The following FAAP20 variants were observed in gnomAD, a reference collection of about 807,000 sequenced individuals.
FAAP20 encodes FA core complex associated protein 20.
Under a neutral mutation model 16.2 loss-of-function variants are expected in FAAP20, and 12 were observed. The ratio of observed to expected loss-of-function variants is 0.74; its 90% confidence interval spans 0.48 to 1.20. The LOEUF is 1.20. FAAP20 is among the 50% of genes most tolerant of loss of function. FAAP20 has a pLI of 0.00. For missense variants in FAAP20, 288 were observed against 245.8 expected (o/e 1.17, Z -1.15); for synonymous variants, 141 against 110.7 (o/e 1.27, Z -1.72).
downstream of FAAP20, among the ~76,000 whole-genome samples, chr1:2,209,661 A>G (rs1689383131): frequency 1.3e-5 from 2 of 152,194 alleles, no homozygotes; most frequent in African/African-American, 4.8e-5. Context: ...GGGGGAGGGC[A>G]GCAGGCCGAG....
upstream of FAAP20, chr1:2,198,098 C>T (rs1472816261): frequency 7.7e-7 from 1 of 1,291,214 alleles, no homozygotes; most frequent in African/African-American, 1.5e-5. Flanking sequence ...GATGAAAACG[C>T]TCCACTTCTT....
At chr1:2,186,520 T>A (rs555015288), downstream of FAAP20, among the ~76,000 whole-genome samples, 1 of 129,834 alleles carries the variant, frequency 7.7e-6, no homozygotes, top group Admixed American at 8.6e-5. Flanking sequence ...AGCTCAGGCT[T>A]CTAGGTGGAA....
downstream of FAAP20, among the ~76,000 whole-genome samples, chr1:2,211,668 C>A: frequency 6.6e-6 from 1 of 151,028 alleles, no homozygotes; most frequent in South Asian, 2.1e-4. Context: ...CCAGGATGGT[C>A]TCCATCTCCT....
downstream of FAAP20, chr1:2,187,289 T>TC: frequency 2.4e-6 from 1 of 411,380 alleles, no homozygotes; most frequent in South Asian, 1.8e-5. Context: ...CATTTTCTTT[T>TC]TTTTTTTCTT....
upstream of FAAP20, among the ~76,000 whole-genome samples, chr1:2,204,748 A>T (rs970016453): frequency 6.6e-6 from 1 of 152,100 alleles, no homozygotes; most frequent in Non-Finnish European, 1.5e-5. Flanking sequence ...GTCCTGGGTA[A>T]ATCAGCAGTG....
chr1:2,193,970 AT>A, intron 2 of FAAP20, 27 bp downstream of exon 2: 2 of 1,612,092 alleles, frequency 1.2e-6, no homozygotes, highest in Middle Eastern at 3.3e-4. Context: ...AAACCCCTTC[AT>A]CGCTAAGATG....
intron 1 of FAAP20, 78 bp from the exon 2 acceptor site, chr1:2,194,211 G>C: frequency 1.3e-6 from 2 of 1,565,300 alleles, no homozygotes; most frequent in Non-Finnish European, 1.7e-6. Context: ...GAGGGCCTGG[G>C]GCAGAGAGAG....
chr1:2,185,324 T>C (rs1336357563), downstream of FAAP20: 2 of 718,754 alleles, frequency 2.8e-6, no homozygotes, highest in Non-Finnish European at 5.2e-6. Context: ...CAGAACTCGA[T>C]GCACTGACCT....
chr1:2,189,491 G>A (rs1318469423), downstream of FAAP20: 3 of 594,506 alleles, frequency 5.0e-6, no homozygotes, highest in Non-Finnish European at 9.1e-6. Flanking sequence ...GTCTGGTTCT[G>A]ATTGCACTGC....
downstream of FAAP20, chr1:2,185,478 C>T: frequency 2.8e-6 from 2 of 718,374 alleles, no homozygotes; most frequent in South Asian, 1.5e-5. Context: ...AGCTTAGGAG[C>T]CAGCGGGACA....
chr1:2,188,927 C>T (rs1171290974), downstream of FAAP20, among the ~76,000 whole-genome samples: 4 of 151,588 alleles, frequency 2.6e-5, no homozygotes, highest in Admixed American at 6.6e-5. Context: ...ATGGCGTGAA[C>T]CCGGGAGGCG....
chr1:2,201,699 G>C (rs546214620), upstream of FAAP20, among the ~76,000 whole-genome samples: 4 of 151,902 alleles, frequency 2.6e-5, no homozygotes, highest in African/African-American at 9.7e-5. Flanking sequence ...TCCAGCCTGG[G>C]TGACAGAGCA....
chr1:2,189,585 G>A lies in FAAP20; in HGVS notation c.*124C>T, dbSNP rs1016453830. Reference sequence around the variant, plus strand: ...ACAGAGACAGACAGGAGCCCGCCCTGCTTTAATGCGCATGCGGGGGAGCCG... The same window carrying A: ...ACAGAGACAGACAGGAGCCCGCCCTACTTTAATGCGCATGCGGGGGAGCCG... On this transcript the variant is annotated 3_prime_UTR_variant, in exon 4 of 4. Coordinates refer to ENST00000378546, the MANE Select transcript of FAAP20 (RefSeq NM_182533.4). 7.6e-6 allele frequency: 6 copies of A among 788,062 alleles called. No homozygotes were observed. The highest frequency in any genetic ancestry group is 2.8e-5 in the South Asian group (2 of 70,386). 48.8% of individuals were successfully genotyped at this position (788,062 alleles called of 1,614,324 possible).
chr1:2,186,417 GC>G (rs1254234083), downstream of FAAP20, among the ~76,000 whole-genome samples: 2 of 151,924 alleles, frequency 1.3e-5, no homozygotes, highest in Admixed American at 1.3e-4. Flanking sequence ...TCACACCCAA[GC>G]CCCAGGTGCC....
chr1:2,203,647 T>C, upstream of FAAP20: 1 of 986,020 alleles, frequency 1.0e-6, no homozygotes, highest in Non-Finnish European at 1.2e-6. Context: ...GGAGGGAAGA[T>C]ATCAGGCTGG....
downstream of FAAP20, chr1:2,207,858 G>C: frequency 6.6e-6 from 1 of 152,490 alleles, no homozygotes; most frequent in East Asian, 1.9e-4. Context: ...GGACTTTTCC[G>C]GCCTTGGGTC....
chr1:2,205,785 G>A (rs934319995), intron 3 of FAAP20, among the ~76,000 whole-genome samples: 2 of 152,256 alleles, frequency 1.3e-5, no homozygotes, highest in Non-Finnish European at 2.9e-5. Flanking sequence ...TCCCATGTGC[G>A]CGGGAGTCCC....
rs751549543 is a variant in FAAP20, at chr1:2,193,754, G to T, written c.355C>A (p.Pro119Thr). ...GHLESPARSL[P>T]QRPAPDPCRA... is the part of the protein sequence containing the mutation. ...CAGGGATCAGGTGCCGGGCGCTGGGGCAGGGACCTGGCGGGGGATTCCAGG... is the reference window on the plus strand; with the variant it reads ...CAGGGATCAGGTGCCGGGCGCTGGGTCAGGGACCTGGCGGGGGATTCCAGG... Residue 119 changes from proline to threonine, a missense_variant, in exon 3 of 4, where the codon CCC (proline) becomes ACC (threonine). By Grantham distance (38) the Pro-to-Thr change is conservative. Transcript: ENST00000378546. 91 of 1,593,002 alleles carry T rather than the reference G, an allele frequency of 5.7e-5. 1 individual carries two copies. The highest frequency in any genetic ancestry group is 1.7e-4 in the Middle Eastern group (1 of 5,896).
At chr1:2,187,939 TTGA>T (rs1687766092), downstream of FAAP20, among the ~76,000 whole-genome samples, 1 of 152,172 alleles carries the variant, frequency 6.6e-6, no homozygotes, top group African/African-American at 2.4e-5. Flanking sequence ...CTGCACTCTC[TTGA>T]TGTTTTTGGT....
Sources: allele counts gnomAD v4.1 joint callset (sites outside exome capture counted in the v4.1 genomes callset), GRCh38; gene constraint gnomAD v4.1.1; transcripts MANE v1.5; gene names NCBI Gene and HGNC (gene_info 2026-07-23, HGNC 2026-07-21).